ANKRD52: variants seen among roughly 807,000 people sequenced by gnomAD.
ANKRD52 encodes serine/threonine-protein phosphatase 6 regulatory ankyrin repeat subunit C.
Under a neutral mutation model 116.0 loss-of-function variants are expected in ANKRD52, and 7 were observed. The ratio of observed to expected loss-of-function variants is 0.06; its 90% confidence interval spans 0.03 to 0.11. ANKRD52 has a LOEUF of 0.11. ANKRD52 is among the 10% of genes least tolerant of loss of function. The pLI, the probability that ANKRD52 is intolerant of heterozygous loss-of-function variation, is 1.00. For synonymous variants in ANKRD52, 528 were observed against 578.1 expected, an observed-to-expected ratio of 0.91 and a Z score of 1.24; for missense variants, 839 against 1,408.6, an observed-to-expected ratio of 0.60 and a Z score of 6.47.
In ANKRD52 at chr12:56,252,412, ATT is replaced by A; in HGVS notation, c.1370+88_1370+89del. On this transcript the variant is annotated intron_variant, in intron 13 of 27. Transcript: ENST00000267116. This position sits in a 1 kb window ranked among gnomAD's most constrained non-coding sequence, Gnocchi z 4.7. ...AATGCTGCTTTGTAACATTCTCCTT[ATT>A]TAAGTCTCCAATCTAAACCCTTCCT... The A allele has an allele frequency of 6.3e-7, 1 of 1,593,042 alleles. No homozygotes were observed. Among genetic ancestry groups the A allele is most frequent in the Non-Finnish European group, 8.6e-7 (1 of 1,161,766 alleles).
chr12:56,256,206 T>C (rs1871944606), intron 4 of ANKRD52, among the ~76,000 whole-genome samples: 1 of 152,108 alleles, frequency 6.6e-6, no homozygotes. Context: ...CAAGGACCCT[T>C]TGCTCTTCTT....
intron 20 of ANKRD52, among the ~76,000 whole-genome samples, chr12:56,246,868 C>T (rs1457356268): frequency 3.3e-5 from 5 of 149,448 alleles, no homozygotes; most frequent in East Asian, 2.0e-4. Flanking sequence ...TGCAGTGAGC[C>T]GAGATCACGC....
At position 56,252,086 on chromosome 12, in the gene ANKRD52, G is replaced by A; in HGVS notation, c.1521C>T (p.Pro507=). Residue 507 remains proline, a synonymous_variant, in exon 15 of 28, where the codon CCC becomes CCT. Coordinates refer to ENST00000267116, the MANE Select transcript of ANKRD52 (RefSeq NM_173595.4). This position sits in a 1 kb window ranked among gnomAD's most constrained non-coding sequence, Gnocchi z 4.7. ...AASDTYRRAE[P]HTPSSHDAEE... ...CGGCATCATGGCTGGAAGGTGTATG[G>A]GGTTCCGCTCTGGGGAAGAGAGAGA... 1.2e-6 allele frequency: 2 copies of A among 1,613,948 alleles called. No individual in the cohort carries two copies. The highest frequency in any genetic ancestry group is 1.7e-6 in the Non-Finnish European group (2 of 1,179,874).
At position 56,244,220 on chromosome 12, in the gene ANKRD52, C is replaced by T. The variant is rs577439116; in HGVS notation, c.2806-87G>A. On this transcript the variant is annotated intron_variant, in intron 25 of 27. Coordinates refer to ENST00000267116, the MANE Select transcript of ANKRD52 (RefSeq NM_173595.4). This position sits in a 1 kb window ranked among gnomAD's most constrained non-coding sequence, Gnocchi z 4.9. The stretch of plus-strand genomic sequence containing the variant: ...GGAGTTGGGGAGAGTAACAGGAGGA[C>T]AAACAGCTGCCCAACCAGTCGGATA... 1.2e-5 allele frequency: 19 copies of T among 1,548,792 alleles called. No individual in the cohort carries two copies. In the South Asian group the frequency reaches 2.0e-4, roughly 16 times the overall value.
At position 56,248,699 on chromosome 12, in the gene ANKRD52, TC is replaced by T; in HGVS notation, c.1704+59del. 1 of 1,520,478 alleles carries T rather than the reference TC, an allele frequency of 6.6e-7. No individual in the cohort carries two copies. The highest frequency in any genetic ancestry group is 2.4e-5 in the East Asian group (1 of 42,520). The allele number at this position is 1,520,478 out of a possible 1,614,324, so 94.2% of individuals were successfully genotyped here. ...TTTGATTGAACCCTTAGTTTTGGAATCCACAAACCCTGTGCCCTGCCCCTGC... is the reference window on the plus strand; with the variant it reads ...TTTGATTGAACCCTTAGTTTTGGAATCACAAACCCTGTGCCCTGCCCCTGC... On this transcript the variant is annotated intron_variant, in intron 16 of 27. Transcript: ENST00000267116. This position sits in a 1 kb window ranked among gnomAD's most constrained non-coding sequence, Gnocchi z 5.1.
chr12:56,258,192 G>A (rs1354224481), intron 1 of ANKRD52, 51 bp downstream of exon 1: 3 of 1,581,304 alleles, frequency 1.9e-6, no homozygotes, highest in African/African-American at 1.3e-5. Flanking sequence ...CTCGCGTGAC[G>A]GCAGCGCCGA....
In ANKRD52 at chr12:56,258,326, C is replaced by G. The variant is rs939153074; in HGVS notation, c.-57G>C. 78 of 1,501,518 alleles carry G rather than the reference C, an allele frequency of 5.2e-5. No homozygotes were observed. The highest frequency in any genetic ancestry group is 2.2e-4 in the Middle Eastern group (1 of 4,518). The allele number at this position is 1,501,518 out of a possible 1,614,324, so 93.0% of individuals were successfully genotyped here. On this transcript the variant is annotated 5_prime_UTR_variant, in exon 1 of 28. Coordinates refer to ENST00000267116, the MANE Select transcript of ANKRD52 (RefSeq NM_173595.4). ...CCCGGCGGCGGCGGCGGCGGCTCCA[C>G]CGGGGACACGGAGCGGCCCAGGCGG...
At position 56,255,679 on chromosome 12, in the gene ANKRD52, G is replaced by T; in HGVS notation, c.462+105C>A. On this transcript the variant is annotated intron_variant, in intron 5 of 27. Coordinates refer to ENST00000267116, the MANE Select transcript of ANKRD52 (RefSeq NM_173595.4). The surrounding 1 kb of genome is among the most constrained non-coding windows in gnomAD (Gnocchi z 4.3). ...AGCTTAAGTGTTTATATAACCATCC[G>T]GGCTGCTTCTCCTTCAGGCTTGAGG... The T allele has an allele frequency of 9.4e-7, 1 of 1,060,660 alleles. No individual in the cohort carries two copies. The highest frequency in any genetic ancestry group is 1.4e-6 in the Non-Finnish European group (1 of 730,530). The allele number at this position is 1,060,660 out of a possible 1,614,324, so 65.7% of individuals were successfully genotyped here.
In ANKRD52 at chr12:56,255,735, G is replaced by T; in HGVS notation, c.462+49C>A. 1 of 1,507,184 alleles carries T rather than the reference G, an allele frequency of 6.6e-7. No homozygotes were observed. The highest frequency in any genetic ancestry group is 1.2e-5 in the South Asian group (1 of 82,692). The allele number at this position is 1,507,184 out of a possible 1,614,324, so 93.4% of individuals were successfully genotyped here. ...GAAGCAGGGAAACGTGAGTAGGAAG[G>T]TAAGAAAAGGGAAAGCCCCAGCTGG... On this transcript the variant is annotated intron_variant, in intron 5 of 27. Coordinates refer to ENST00000267116, the MANE Select transcript of ANKRD52 (RefSeq NM_173595.4). The surrounding 1 kb of genome is among the most constrained non-coding windows in gnomAD (Gnocchi z 4.3).
intron 15 of ANKRD52, among the ~76,000 whole-genome samples, chr12:56,249,950 T>C (rs969662200): frequency 2.6e-5 from 4 of 151,980 alleles, no homozygotes; most frequent in Admixed American, 6.6e-5. Context: ...TGAGGCAGAA[T>C]TGCTTGAACC....
At position 56,243,384 on chromosome 12, in the gene ANKRD52, G is replaced by T; in HGVS notation, c.2989C>A (p.Pro997Thr). The T allele has an allele frequency of 6.2e-7, 1 of 1,613,800 alleles. No individual in the cohort carries two copies. Reference sequence around the variant, plus strand: ...TTGTTGGGGGCACAGGCCAGTGCTGGGGTGTGACCTGCAGGGCCAAGGGGG... The same window carrying T: ...TTGTTGGGGGCACAGGCCAGTGCTGTGGTGTGACCTGCAGGGCCAAGGGGG... ...VLAVDEEGHT[P>T]ALACAPNKDV... The change falls in exon 28 of 28, where the codon CCA becomes ACA. Residue 997 changes from proline to threonine, a missense_variant. Transcript: ENST00000267116. The surrounding 1 kb of genome is among the most constrained non-coding windows in gnomAD (Gnocchi z 4.6).
Position 56,242,251 on chromosome 12 carries a change from T to A in ANKRD52, c.*891A>T, listed in dbSNP as rs540146501. On this transcript the variant is annotated 3_prime_UTR_variant, in exon 28 of 28. Transcript: ENST00000267116. This position sits in a 1 kb window ranked among gnomAD's most constrained non-coding sequence, Gnocchi z 4.3. ...GAAATGGGCAGGAAATTAATTTGTT[T>A]CTTCCCCTAAAGGATAAAACGCTTA... The A allele has an allele frequency of 5.0e-6, 2 of 398,578 alleles. No homozygotes were observed. The highest frequency in any genetic ancestry group is 4.1e-5 in the African/African-American group (2 of 48,750). The allele number at this position is 398,578 out of a possible 1,614,324, so 24.7% of individuals were successfully genotyped here.
At chr12:56,246,054 G>A (rs951533093) in intron 20 of ANKRD52, among the ~76,000 whole-genome samples, 2 of 150,528 alleles carry the variant, frequency 1.3e-5, no homozygotes, top group Non-Finnish European at 2.9e-5. Flanking sequence ...TTTTGAGACG[G>A]AGTCTCACTC....
chr12:56,253,938 G>A lies in ANKRD52; in HGVS notation c.906+129C>T. The A allele has an allele frequency of 7.5e-7, 1 of 1,334,176 alleles. No individual in the cohort carries two copies. Among genetic ancestry groups the A allele is most frequent in the Non-Finnish European group, 1.0e-6 (1 of 956,796 alleles). The allele number at this position is 1,334,176 out of a possible 1,614,324, so 82.6% of individuals were successfully genotyped here. Reference sequence around the variant, plus strand: ...ACCTTCTTAGCCCACTCTTTCCTGAGTCCCTGGCAAGGTCTGATTACCCTA... The same window carrying A: ...ACCTTCTTAGCCCACTCTTTCCTGAATCCCTGGCAAGGTCTGATTACCCTA... On this transcript the variant is annotated intron_variant, in intron 8 of 27. Transcript: ENST00000267116. The surrounding 1 kb of genome is among the most constrained non-coding windows in gnomAD (Gnocchi z 5.5).
At position 56,241,035 on chromosome 12, in the gene ANKRD52, T is replaced by C. The variant is rs1319689139; in HGVS notation, c.*2107A>G. 1 of 151,658 alleles carries C rather than the reference T, an allele frequency of 6.6e-6. No individual in the cohort carries two copies. The highest frequency in any genetic ancestry group is 2.4e-5 in the African/African-American group (1 of 41,206). The allele number at this position is 151,658 out of a possible 1,614,324, so 9.4% of individuals were successfully genotyped here. A position where few individuals can be genotyped will look rare whatever the true frequency, so the allele number is the denominator to read the frequency against. ...AATGGGAAGATTTCAGGAGAGAGAATTGAAGGGAAGGCAAGCTTTGCAGAG... is the reference window on the plus strand; with the variant it reads ...AATGGGAAGATTTCAGGAGAGAGAACTGAAGGGAAGGCAAGCTTTGCAGAG... On this transcript the variant is annotated 3_prime_UTR_variant, in exon 28 of 28. Coordinates refer to ENST00000267116, the MANE Select transcript of ANKRD52 (RefSeq NM_173595.4).
In ANKRD52 at chr12:56,252,974, C is replaced by A. The variant is rs1435254036; in HGVS notation, c.1183+30G>T. On this transcript the variant is annotated intron_variant, in intron 11 of 27. Transcript: ENST00000267116. The surrounding 1 kb of genome is among the most constrained non-coding windows in gnomAD (Gnocchi z 4.7). ...GGAAAGGCCTTTGCTCTCCTATACA[C>A]CTGCCAATCCCCAGCCCATCAGCAC... is the stretch of plus-strand genomic sequence containing the variant. 3 of 1,583,760 alleles carry A rather than the reference C, an allele frequency of 1.9e-6. No homozygotes were observed. The South Asian group carries it at 3.4e-5, about 18-fold the overall frequency.
At position 56,258,340 on chromosome 12, in the gene ANKRD52, C is replaced by G. The variant is rs542164211; in HGVS notation, c.-71G>C. ...CGGCGGCTCCACCGGGGACACGGAG[C>G]GGCCCAGGCGGCGGCTGCGGTGGCG... On this transcript the variant is annotated 5_prime_UTR_variant, in exon 1 of 28. Transcript: ENST00000267116. The G allele has an allele frequency of 7.1e-7, 1 of 1,401,908 alleles. No homozygotes were observed. Among genetic ancestry groups the G allele is most frequent in the Non-Finnish European group, 9.3e-7 (1 of 1,078,046 alleles). 86.8% of individuals were successfully genotyped at this position (1,401,908 alleles called of 1,614,324 possible).
chr12:56,247,348 A>C (rs11833761), intron 20 of ANKRD52, 145 bp downstream of exon 20: 1 of 222,578 alleles, frequency 4.5e-6, no homozygotes, highest in Non-Finnish European at 8.0e-6. Context: ...CCCTGTCTCA[A>C]AAAAAAAAAA....
chr12:56,245,602 A>C lies in ANKRD52; in HGVS notation c.2185-6T>G. ...TCCTCACAGCCAGTCACTGCCTGTGAGTAACATGGGGGTGTGAGGGGGATG... is the reference window on the plus strand; with the variant it reads ...TCCTCACAGCCAGTCACTGCCTGTGCGTAACATGGGGGTGTGAGGGGGATG... On this transcript the variant is annotated splice_polypyrimidine_tract_variant and splice_region_variant and intron_variant, in intron 20 of 27. Coordinates refer to ENST00000267116, the MANE Select transcript of ANKRD52 (RefSeq NM_173595.4). The C allele has an allele frequency of 6.2e-7, 1 of 1,600,962 alleles. No homozygotes were observed. Among genetic ancestry groups the C allele is most frequent in the Non-Finnish European group, 8.5e-7 (1 of 1,175,898 alleles).
Sources: allele counts gnomAD v4.1 joint callset (sites outside exome capture counted in the v4.1 genomes callset), GRCh38; gene constraint gnomAD v4.1.1; non-coding constraint Gnocchi (gnomAD v3.1); transcripts MANE v1.5; gene names NCBI Gene and HGNC (gene_info 2026-07-23, HGNC 2026-07-21).